The following PLXNC1 variants were observed in gnomAD, a reference collection of about 807,000 sequenced individuals.
The protein encoded by PLXNC1 is plexin C1, also known as plexin-C1.
PLXNC1 carries 75 observed loss-of-function variants against 178.2 expected under a neutral mutation model. That is an observed-to-expected ratio of 0.42 (90% confidence interval 0.35 to 0.51). PLXNC1 has a LOEUF of 0.51. Among genes scored for constraint, PLXNC1 ranks in the 20% least tolerant of loss-of-function variants. The pLI, the probability that PLXNC1 is intolerant of heterozygous loss-of-function variation, is 0.02. For synonymous variants in PLXNC1, 790 were observed against 779.9 expected, an observed-to-expected ratio of 1.01 and a Z score of -0.22; for missense variants, 1,503 against 1,984.4, an observed-to-expected ratio of 0.76 and a Z score of 4.61.
At chr12:94,259,755 G>A (rs1386545086) in intron 19 of PLXNC1, 21 bp downstream of exon 19, 5 of 1,575,630 alleles carry the variant, frequency 3.2e-6, no homozygotes, top group South Asian at 2.4e-5. Context: ...ATTCTTTGAT[G>A]TTTTAAAAGC....
chr12:94,168,534 C>G (rs544574073), intron 1 of PLXNC1, among the ~76,000 whole-genome samples: 1 of 152,308 alleles, frequency 6.6e-6, no homozygotes, highest in East Asian at 1.9e-4. Flanking sequence ...GCATCAGCAC[C>G]AGGGCCAGCC....
chr12:94,251,030 A>T (rs946840089), intron 14 of PLXNC1, among the ~76,000 whole-genome samples: 7 of 152,114 alleles, frequency 4.6e-5, no homozygotes, highest in Admixed American at 3.3e-4. Context: ...CTAAAACAAA[A>T]ACAAAATAAG....
intron 1 of PLXNC1, among the ~76,000 whole-genome samples, chr12:94,167,653 C>T (rs920761655): frequency 6.6e-6 from 1 of 152,112 alleles, no homozygotes; most frequent in African/African-American, 2.4e-5. Context: ...TTGTTCCAAC[C>T]TTAGACCCAC....
chr12:94,273,831 C>T (rs1200130383), intron 21 of PLXNC1, among the ~76,000 whole-genome samples: 1 of 152,102 alleles, frequency 6.6e-6, no homozygotes, highest in Non-Finnish European at 1.5e-5. Flanking sequence ...GAAAATTGAA[C>T]TAAGGATGCC....
At chr12:94,281,225 G>A (rs985426036) in intron 22 of PLXNC1, among the ~76,000 whole-genome samples, 28 of 152,286 alleles carry the variant, frequency 1.8e-4, no homozygotes, top group African/African-American at 6.5e-4. Context: ...GTTGCAGTGA[G>A]CCCAGATTGC....
chr12:94,236,333 G>A (rs1160264733), intron 9 of PLXNC1, among the ~76,000 whole-genome samples: 3 of 152,238 alleles, frequency 2.0e-5, no homozygotes, highest in African/African-American at 7.2e-5. Context: ...GCACCTGTGT[G>A]TGCTGGGGAG....
chr12:94,216,129 G>A (rs542350600), intron 5 of PLXNC1, among the ~76,000 whole-genome samples: 173 of 152,138 alleles, frequency 1.1e-3, no homozygotes, highest in Non-Finnish European at 2.0e-3. Flanking sequence ...TTAGCCAGGC[G>A]TGGTGGCAGG....
chr12:94,179,570 G>A (rs536942860), intron 2 of PLXNC1, among the ~76,000 whole-genome samples: 4 of 151,954 alleles, frequency 2.6e-5, no homozygotes, highest in East Asian at 1.9e-4. Context: ...GTGAAACCCC[G>A]TCTCTACTAA....
chr12:94,229,789 T>C (rs1039046120), intron 9 of PLXNC1, among the ~76,000 whole-genome samples: 1 of 152,242 alleles, frequency 6.6e-6, no homozygotes, highest in Non-Finnish European at 1.5e-5. Context: ...CACTGTTTGA[T>C]TACTGTAGCT....
intron 2 of PLXNC1, 94 bp from the exon 3 acceptor site, chr12:94,181,352 C>A: frequency 1.3e-6 from 1 of 795,088 alleles, no homozygotes. Context: ...CATGCCAATG[C>A]ATTCCAGCCT....
At chr12:94,297,483 C>A in intron 26 of PLXNC1, 60 bp downstream of exon 26, 2 of 1,159,206 alleles carry the variant, frequency 1.7e-6, no homozygotes, top group Non-Finnish European at 2.6e-6. Flanking sequence ...ATATGTTTGA[C>A]TTAATTTCCA....
chr12:94,181,747 G>A (rs1962315101), intron 3 of PLXNC1, among the ~76,000 whole-genome samples, 167 bp downstream of exon 3: 1 of 152,076 alleles, frequency 6.6e-6, no homozygotes, highest in South Asian at 2.1e-4. Context: ...AAACCTTACT[G>A]ACTGTCAGTA....
chr12:94,271,571 G>A (rs909244386), intron 21 of PLXNC1, among the ~76,000 whole-genome samples: 2 of 152,196 alleles, frequency 1.3e-5, no homozygotes, highest in Non-Finnish European at 2.9e-5. Flanking sequence ...GTTTGAATCT[G>A]GGCTCAGCCA....
At chr12:94,195,601 G>A (rs973606098) in intron 4 of PLXNC1, among the ~76,000 whole-genome samples, 13 of 152,076 alleles carry the variant, frequency 8.5e-5, no homozygotes, top group Admixed American at 5.2e-4. Context: ...ATCTGTATGC[G>A]TCCTTCAATT....
chr12:94,275,572 G>GAGCACTAAGTGTTAGCA (rs1565847977), intron 21 of PLXNC1, among the ~76,000 whole-genome samples: 3 of 143,868 alleles, frequency 2.1e-5, no homozygotes, highest in African/African-American at 2.6e-5. Context: ...ACTGCTGTTT[G>GAGCACTAAGTGTTAGCA]GCCGGGCGCG....
chr12:94,253,211 GAAAA>G (rs35584186), intron 15 of PLXNC1, among the ~76,000 whole-genome samples: 128 of 41,998 alleles, frequency 3.0e-3, no homozygotes, highest in African/African-American at 7.1e-3. Flanking sequence ...CTCCGTCTCA[GAAAA>G]AAAAAAAAAA....
intron 12 of PLXNC1, among the ~76,000 whole-genome samples, chr12:94,246,440 G>C (rs1391065239): frequency 1.3e-5 from 2 of 152,174 alleles, no homozygotes; most frequent in Non-Finnish European, 2.9e-5. Context: ...TGACATCATG[G>C]GAGTGAGAGC....
intron 1 of PLXNC1, among the ~76,000 whole-genome samples, chr12:94,161,989 G>T (rs1363777953): frequency 6.6e-6 from 1 of 152,182 alleles, no homozygotes; most frequent in African/African-American, 2.4e-5. Context: ...CCTACTCCAT[G>T]CCAGATGCTG....
intron 23 of PLXNC1, among the ~76,000 whole-genome samples, chr12:94,284,568 C>T (rs534290199): frequency 3.3e-5 from 5 of 152,168 alleles, no homozygotes; most frequent in East Asian, 3.9e-4. Flanking sequence ...TTCAGTATTT[C>T]GCCCCATTCT....
Sources: gnomAD v4.1 joint callset for allele counts (sites outside exome capture counted in the v4.1 genomes callset) on GRCh38, gnomAD v4.1.1 for gene constraint, MANE v1.5 for transcripts, NCBI Gene and HGNC (gene_info 2026-07-23, HGNC 2026-07-21) for gene names.